The following ANKRD30BL variants were observed in gnomAD, a reference collection of about 807,000 sequenced individuals.
ANKRD30BL encodes ankyrin repeat domain 30B like.
ANKRD30BL carries 20 observed loss-of-function variants against 18.4 expected under a neutral mutation model. The ratio of observed to expected loss-of-function variants is 1.09; its 90% CI spans 0.77 to 1.58. The LOEUF (loss-of-function observed/expected upper bound fraction) is 1.58. Among genes scored for constraint, ANKRD30BL ranks in the 40% most tolerant of loss-of-function variants. ANKRD30BL has a pLI of 0.00. For synonymous variants in ANKRD30BL, 72 were observed against 100.9 expected, an observed-to-expected ratio of 0.71 and a Z score of 1.72; for missense variants, 224 against 268.6, an observed-to-expected ratio of 0.83 and a Z score of 1.16.
intron 5 of ANKRD30BL, among the ~76,000 whole-genome samples, chr2:132,150,141 C>T (rs1377565536): frequency 6.6e-6 from 1 of 151,844 alleles, no homozygotes; most frequent in African/African-American, 2.4e-5. Context: ...TTTCTGAATG[C>T]AAATCATTTA....
intron 1 of ANKRD30BL, among the ~76,000 whole-genome samples, chr2:132,216,337 G>A (rs1455472824): frequency 4.6e-5 from 7 of 152,016 alleles, no homozygotes; most frequent in East Asian, 3.9e-4. Flanking sequence ...TTAGGCCTAC[G>A]GTGGAAAAGG....
intron 1 of ANKRD30BL, among the ~76,000 whole-genome samples, chr2:132,189,232 G>A (rs1678793434): frequency 6.6e-6 from 1 of 152,172 alleles, no homozygotes. Context: ...GTGTAGGTAG[G>A]CATAAGTAAG....
upstream of ANKRD30BL, among the ~76,000 whole-genome samples, chr2:132,164,274 T>A (rs1395186897): frequency 1.5e-5 from 1 of 65,636 alleles, no homozygotes; most frequent in Non-Finnish European, 3.2e-5. Flanking sequence ...TTTTTCTTTT[T>A]TTTTTTTTTT....
At chr2:132,150,258 A>T (rs371994607) in intron 5 of ANKRD30BL, among the ~76,000 whole-genome samples, 2 of 150,622 alleles carry the variant, frequency 1.3e-5, no homozygotes, top group Non-Finnish European at 1.5e-5. Context: ...TATTTGTTAA[A>T]TTAACAAATA....
At chr2:132,207,767 T>C (rs1679237641) in intron 1 of ANKRD30BL, among the ~76,000 whole-genome samples, 1 of 152,074 alleles carries the variant, frequency 6.6e-6, no homozygotes, top group Non-Finnish European at 1.5e-5. Context: ...GGTGGGAGTG[T>C]GTCAGGAGTA....
chr2:132,212,846 C>T (rs1014414555), intron 1 of ANKRD30BL, among the ~76,000 whole-genome samples: 13 of 151,904 alleles, frequency 8.6e-5, no homozygotes, highest in East Asian at 1.9e-4. Flanking sequence ...TGACAAACTC[C>T]TTTGTGATGT....
chr2:132,221,818 T>TG (rs1229172798), intron 1 of ANKRD30BL, among the ~76,000 whole-genome samples: 9 of 59,990 alleles, frequency 1.5e-4, no homozygotes, highest in African/African-American at 3.6e-4. Flanking sequence ...GGGAGGGAGG[T>TG]GGGGGGGTCA....
chr2:132,161,602 T>G lies in ANKRD30BL; in HGVS notation c.104A>C (p.His35Pro). Residue 35 changes from histidine (H) to proline (P), a missense_variant, in exon 1 of 6, where the codon CAC (histidine) becomes CCC (proline). By Grantham distance (77) the His-to-Pro change is moderately conservative. Transcript: ENST00000409867. The part of the protein sequence containing the change: ...VYTNNDSYVI[H>P]HGDLRKIHKA... ...GTGGATCTTCCTGAGATCCCCATGGTGAATCACGTAAGAGTCGTTGTTGGT... is the reference window on the plus strand; with the variant it reads ...GTGGATCTTCCTGAGATCCCCATGGGGAATCACGTAAGAGTCGTTGTTGGT... 1 of 1,453,658 alleles carries G rather than the reference T, an allele frequency of 6.9e-7. No homozygotes were observed. The highest frequency in any genetic ancestry group is 9.4e-7 in the Non-Finnish European group (1 of 1,060,630). The allele number at this position is 1,453,658 out of a possible 1,614,324, so 90.0% of individuals were successfully genotyped here.
At chr2:132,216,584 T>A (rs1414557422) in intron 1 of ANKRD30BL, among the ~76,000 whole-genome samples, 2 of 152,004 alleles carry the variant, frequency 1.3e-5, no homozygotes, top group African/African-American at 2.4e-5. Context: ...TGTGCAGTCA[T>A]CTCACAGAGT....
At chr2:132,176,546 G>A (rs556053317) in intron 1 of ANKRD30BL, among the ~76,000 whole-genome samples, 18 of 152,256 alleles carry the variant, frequency 1.2e-4, no homozygotes, top group Admixed American at 3.9e-4. Flanking sequence ...GGGAAGTGGA[G>A]GTTGCAGTGA....
intron 1 of ANKRD30BL, among the ~76,000 whole-genome samples, chr2:132,222,867 A>AATAT: frequency 6.8e-6 from 1 of 148,102 alleles, no homozygotes. Context: ...AAAAAAAAGA[A>AATAT]ACACTGTTTT....
chr2:132,227,424 G>A (rs1679876510), intron 1 of ANKRD30BL, among the ~76,000 whole-genome samples: 1 of 152,048 alleles, frequency 6.6e-6, no homozygotes, highest in South Asian at 2.1e-4. Flanking sequence ...TCTTTTTGAT[G>A]TTTGCCTTCA....
chr2:132,206,360 A>AATC (rs1679212689), intron 1 of ANKRD30BL, among the ~76,000 whole-genome samples: 5 of 152,180 alleles, frequency 3.3e-5, no homozygotes, highest in Admixed American at 3.3e-4. Flanking sequence ...TAATAATAAT[A>AATC]ATAATGCTAA....
chr2:132,247,583 A>G (rs1407399042), intron 1 of ANKRD30BL, among the ~76,000 whole-genome samples: 1 of 151,912 alleles, frequency 6.6e-6, no homozygotes, highest in Non-Finnish European at 1.5e-5. Flanking sequence ...TTTTTATGTG[A>G]TGATATTTCT....
intron 1 of ANKRD30BL, among the ~76,000 whole-genome samples, chr2:132,157,908 C>T (rs1309717318): frequency 6.6e-6 from 1 of 152,030 alleles, no homozygotes; most frequent in East Asian, 1.9e-4. Context: ...TACAATTATG[C>T]CTAATTTGTG....
At chr2:132,221,420 G>A (rs1383068263) in intron 1 of ANKRD30BL, among the ~76,000 whole-genome samples, 918 of 112,136 alleles carry the variant, frequency 8.2e-3, no homozygotes, top group Non-Finnish European at 0.011. Context: ...AGGGAGGTGG[G>A]GGGATCAGCC....
chr2:132,161,975 A>G (rs1430550147), upstream of ANKRD30BL: 1 of 351,180 alleles, frequency 2.8e-6, no homozygotes, highest in Non-Finnish European at 5.2e-6. Context: ...TGCGCAACTC[A>G]GCAGACCTGG....
intron 1 of ANKRD30BL, among the ~76,000 whole-genome samples, chr2:132,240,082 C>G (rs1349927114): frequency 6.6e-6 from 1 of 151,524 alleles, no homozygotes; most frequent in East Asian, 1.9e-4. Context: ...TTATGAAACA[C>G]TCTTTTAGTA....
intron 1 of ANKRD30BL, among the ~76,000 whole-genome samples, chr2:132,192,322 G>A (rs1487822297): frequency 6.6e-6 from 1 of 152,138 alleles, no homozygotes; most frequent in Non-Finnish European, 1.5e-5. Flanking sequence ...GATCTTGCAG[G>A]ACCTGTATTC....
Sources: allele counts gnomAD v4.1 joint callset (sites outside exome capture counted in the v4.1 genomes callset), GRCh38; gene constraint gnomAD v4.1.1; transcripts MANE v1.5; gene names NCBI Gene and HGNC (gene_info 2026-07-23, HGNC 2026-07-21).